Variants in ERBB4 observed in about 807,000 individuals in gnomAD.
The protein encoded by ERBB4 is erb-b2 receptor tyrosine kinase 4.
In ERBB4, 42 loss-of-function variants were observed where a neutral mutation model predicts 158.0. That is an observed-to-expected ratio of 0.27 (90% CI 0.21 to 0.34). ERBB4 has a LOEUF of 0.34. Among genes scored for constraint, ERBB4 ranks in the 10% least tolerant of loss-of-function variants. The pLI is 1.00. For missense variants in ERBB4, 1,333 were observed against 1,624.1 expected, an observed-to-expected ratio of 0.82 and a Z score of 3.08; for synonymous variants, 583 against 558.7, an observed-to-expected ratio of 1.04 and a Z score of -0.61.
intron 12 of ERBB4, among the ~76,000 whole-genome samples, chr2:211,693,879 G>A (rs1574998224): frequency 6.6e-6 from 1 of 152,100 alleles, no homozygotes; most frequent in African/African-American, 2.4e-5. Flanking sequence ...CTAGCTTCTG[G>A]TGGTTGCCAG....
In ERBB4 at chr2:211,682,681, T is replaced by C. The variant is rs145842087; in HGVS notation, c.1490-3497A>G. ...TTATAAGAAATAAGTTGTTCATACATTTCTGGTTCTCTACTCTCTTCCATC... is the reference window on the plus strand; with the variant it reads ...TTATAAGAAATAAGTTGTTCATACACTTCTGGTTCTCTACTCTCTTCCATC... On this transcript the variant is annotated intron_variant, in intron 12 of 27. Coordinates refer to ENST00000342788, the MANE Select transcript of ERBB4 (RefSeq NM_005235.3). Among the ~76,000 whole-genome samples, 1,464 of 152,298 alleles carry C rather than the reference T, an allele frequency of 9.6e-3. 19 individuals carry two copies. Among genetic ancestry groups the C allele is most frequent in the South Asian group, 0.041 (199 of 4,828 alleles).
intron 13 of ERBB4, 65 bp from the exon 14 acceptor site, chr2:211,673,322 A>G: frequency 8.7e-7 from 1 of 1,149,288 alleles, no homozygotes; most frequent in Non-Finnish European, 1.3e-6. Flanking sequence ...AAATGAAGTA[A>G]CATCTGCTAA....
At chr2:211,692,875 A>G (rs1189136064) in intron 12 of ERBB4, among the ~76,000 whole-genome samples, 3 of 152,160 alleles carry the variant, frequency 2.0e-5, no homozygotes, top group African/African-American at 7.2e-5. Context: ...TAAACTGTCA[A>G]TAAGCTCTGT....
intron 2 of ERBB4, among the ~76,000 whole-genome samples, chr2:212,053,356 T>C (rs1258372957): frequency 6.6e-6 from 1 of 152,100 alleles, no homozygotes; most frequent in Admixed American, 6.6e-5. Flanking sequence ...AATCTAAACA[T>C]CCAGTCACCC....
chr2:211,888,645 C>A (rs980477436), intron 3 of ERBB4, among the ~76,000 whole-genome samples: 90 of 152,086 alleles, frequency 5.9e-4, no homozygotes, highest in Middle Eastern at 3.2e-3. Context: ...TACCGGGTTT[C>A]TCTCACTAGG....
intron 1 of ERBB4, among the ~76,000 whole-genome samples, chr2:212,469,660 T>C (rs1481642560): frequency 2.0e-5 from 3 of 152,198 alleles, no homozygotes; most frequent in Non-Finnish European, 4.4e-5. Flanking sequence ...ATTACTGATA[T>C]TACTGTTTTT....
chr2:212,173,246 G>T (rs746085729), intron 1 of ERBB4, among the ~76,000 whole-genome samples: 4 of 151,952 alleles, frequency 2.6e-5, no homozygotes, highest in Non-Finnish European at 4.4e-5. Context: ...TACAAATTAG[G>T]ATTAATCACC....
intron 3 of ERBB4, among the ~76,000 whole-genome samples, chr2:211,842,627 T>C (rs2077498465): frequency 6.6e-6 from 1 of 152,060 alleles, no homozygotes; most frequent in Non-Finnish European, 1.5e-5. Context: ...CTAAACATTT[T>C]ATTTTGTTAA....
chr2:211,461,896 A>G (rs1351937862), intron 20 of ERBB4, among the ~76,000 whole-genome samples: 2 of 152,032 alleles, frequency 1.3e-5, no homozygotes, highest in Admixed American at 6.6e-5. Flanking sequence ...TTTAAAAAAA[A>G]AAACAATAAA....
Position 212,046,900 on chromosome 2 carries a change from T to A in ERBB4, c.234+77852A>T, listed in dbSNP as rs112827559. On this transcript the variant is annotated intron_variant, in intron 2 of 27. Transcript: ENST00000342788. Reference sequence around the variant, plus strand: ...GCTTTGCTTAACCTTGTGGAATTCCTGCATATCTTCAAGAGTTCATCTACC... The same window carrying A: ...GCTTTGCTTAACCTTGTGGAATTCCAGCATATCTTCAAGAGTTCATCTACC... Among the ~76,000 whole-genome samples, 831 of 152,282 alleles carry A rather than the reference T, an allele frequency of 5.5e-3. 5 individuals carry two copies. Among genetic ancestry groups the A allele is most frequent in the African/African-American group, 7.1e-3 (294 of 41,564 alleles).
At position 212,382,940 on chromosome 2, in the gene ERBB4, G is replaced by A. The variant is rs144408648; in HGVS notation, c.82+155509C>T. Among the ~76,000 whole-genome samples, 609 of 151,058 alleles carry A rather than the reference G, an allele frequency of 4.0e-3. 2 individuals are homozygous for A. The highest frequency in any genetic ancestry group is 0.021 in the Middle Eastern group (6 of 292). ...ATTATAACCCTTTTAAATATTGAGG[G>A]TGTTATGTCTCTTTCTGTGAACAAG... is the stretch of plus-strand genomic sequence containing the variant. On this transcript the variant is annotated intron_variant, in intron 1 of 27. Coordinates refer to ENST00000342788, the MANE Select transcript of ERBB4 (RefSeq NM_005235.3).
At chr2:211,625,106 G>A (rs2069791296) in intron 17 of ERBB4, among the ~76,000 whole-genome samples, 2 of 152,178 alleles carry the variant, frequency 1.3e-5, no homozygotes, top group South Asian at 4.1e-4. Flanking sequence ...GAGGCTCTGG[G>A]TACCAAAAAG....
chr2:211,486,576 A>G (rs939682397), intron 20 of ERBB4, among the ~76,000 whole-genome samples: 1 of 152,120 alleles, frequency 6.6e-6, no homozygotes, highest in Admixed American at 6.6e-5. Context: ...TGCTTTTGAT[A>G]CGTAACAGGT....
chr2:211,704,516 T>C (rs10183337), intron 10 of ERBB4, among the ~76,000 whole-genome samples: 77,024 of 152,004 alleles, frequency 0.51, 20,086 homozygotes, highest in Non-Finnish European at 0.58. Context: ...TGTTCACTTA[T>C]GACATCAGTG....
chr2:211,557,105 A>G (rs2067256200), intron 20 of ERBB4, among the ~76,000 whole-genome samples: 1 of 152,186 alleles, frequency 6.6e-6, no homozygotes, highest in South Asian at 2.1e-4. Flanking sequence ...ACCATATACA[A>G]AAATCAACTC....
rs2079884439 is a variant in ERBB4, at chr2:212,125,173, T to C, written c.83-270A>G. On this transcript the variant is annotated intron_variant, in intron 1 of 27. Coordinates refer to ENST00000342788, the MANE Select transcript of ERBB4 (RefSeq NM_005235.3). ...GAGATAAACTTAATCCCATTTGTTATGACCATATAAAGCAAGTAAATACAT... is the reference window on the plus strand; with the variant it reads ...GAGATAAACTTAATCCCATTTGTTACGACCATATAAAGCAAGTAAATACAT... 5 of 416,692 alleles carry C rather than the reference T, an allele frequency of 1.2e-5. No homozygotes were observed. The Admixed American group carries it at 1.9e-4, about 16-fold the overall frequency. The allele number at this position is 416,692 out of a possible 1,614,324, so 25.8% of individuals were successfully genotyped here. A position where few individuals can be genotyped will look rare whatever the true frequency, so the allele number is the denominator to read the frequency against.
At chr2:211,993,966 G>A (rs959026993) in intron 2 of ERBB4, among the ~76,000 whole-genome samples, 1 of 149,504 alleles carries the variant, frequency 6.7e-6, no homozygotes, top group East Asian at 1.9e-4. Flanking sequence ...ATAATTATTA[G>A]TGTCTTTTCC....
chr2:212,302,045 C>A (rs2086643466), intron 1 of ERBB4, among the ~76,000 whole-genome samples: 2 of 151,326 alleles, frequency 1.3e-5, no homozygotes, highest in African/African-American at 2.4e-5. Context: ...TCATTATAAC[C>A]ATTAGCTAAT....
intron 3 of ERBB4, among the ~76,000 whole-genome samples, chr2:211,941,071 T>C (rs1343172125): frequency 1.3e-5 from 2 of 152,136 alleles, no homozygotes; most frequent in Non-Finnish European, 2.9e-5. Context: ...AAGCAAACAA[T>C]ACTCTTTAAA....
Sources: allele counts gnomAD v4.1 joint callset (sites outside exome capture counted in the v4.1 genomes callset), GRCh38; gene constraint gnomAD v4.1.1; transcripts MANE v1.5; gene names NCBI Gene and HGNC (gene_info 2026-07-23, HGNC 2026-07-21).